The following BLTP3B variants were observed in gnomAD, a reference collection of about 807,000 sequenced individuals.
BLTP3B encodes the protein UHRF1 (ICBP90) binding protein 1-like.
At chr12:100,055,365 G>A in the BLTP3B span, among the ~76,000 whole-genome samples, 416 of 152,164 alleles carry the variant, frequency 2.7e-3, 1 homozygote, top group African/African-American at 9.6e-3. Context: ...AACTGGTATA[G>A]TAAATATTAG....
chr12:100,050,780 C>A, the BLTP3B span, among the ~76,000 whole-genome samples: 347 of 151,826 alleles, frequency 2.3e-3, 3 homozygotes, highest in African/African-American at 8.0e-3. Context: ...TCTCTGCACT[C>A]CAGCCTGGGC....
At chr12:100,114,416 T>C in the BLTP3B span, among the ~76,000 whole-genome samples, 1 of 152,196 alleles carries the variant, frequency 6.6e-6, no homozygotes, top group Non-Finnish European at 1.5e-5. Context: ...AAGATTATTC[T>C]CCACCATTTT....
chr12:100,123,459 C>T, the BLTP3B span, among the ~76,000 whole-genome samples: 56 of 152,154 alleles, frequency 3.7e-4, no homozygotes, highest in Non-Finnish European at 6.8e-4. Flanking sequence ...GAGTTTTCTC[C>T]CCCACACACC....
At chr12:100,098,454 A>C in the BLTP3B span, 1 of 1,614,134 alleles carries the variant, frequency 6.2e-7, no homozygotes, top group Non-Finnish European at 8.5e-7. Context: ...CAAATGATGC[A>C]TTGAAGGCTT....
the BLTP3B span, among the ~76,000 whole-genome samples, chr12:100,075,563 G>A: frequency 6.6e-6 from 1 of 152,122 alleles, no homozygotes; most frequent in African/African-American, 2.4e-5. Flanking sequence ...CACAATGGGA[G>A]AAAATACTCA....
At chr12:100,140,797 A>ATGGG in the BLTP3B span, among the ~76,000 whole-genome samples, 29 of 145,732 alleles carry the variant, frequency 2.0e-4, no homozygotes, top group Non-Finnish European at 3.9e-4. Context: ...TTTTCAATAT[A>ATGGG]TGGGTGTTTT....
chr12:100,119,843 C>T, the BLTP3B span, among the ~76,000 whole-genome samples: 6 of 152,032 alleles, frequency 3.9e-5, no homozygotes, highest in Non-Finnish European at 8.8e-5. Flanking sequence ...CTTAAAAACT[C>T]CTGAAGAAAA....
chr12:100,068,397 A>C, the BLTP3B span, among the ~76,000 whole-genome samples: 2 of 152,238 alleles, frequency 1.3e-5, no homozygotes, highest in African/African-American at 4.8e-5. Flanking sequence ...TAAAAATTCT[A>C]GAAGATAACA....
the BLTP3B span, among the ~76,000 whole-genome samples, chr12:100,054,193 T>C: frequency 1.3e-5 from 2 of 152,298 alleles, no homozygotes; most frequent in South Asian, 4.1e-4. Flanking sequence ...TGGTACATTC[T>C]TATGACAATT....
At chr12:100,070,714 G>T in the BLTP3B span, among the ~76,000 whole-genome samples, 1 of 152,062 alleles carries the variant, frequency 6.6e-6, no homozygotes, top group East Asian at 1.9e-4. Context: ...TATTAATAGG[G>T]TGGGTGCGGT....
At chr12:100,139,240 C>A in the BLTP3B span, among the ~76,000 whole-genome samples, 1 of 152,208 alleles carries the variant, frequency 6.6e-6, no homozygotes, top group Non-Finnish European at 1.5e-5. Flanking sequence ...TTACAGTTCT[C>A]AAATAGTTTA....
the BLTP3B span, among the ~76,000 whole-genome samples, chr12:100,087,304 G>A: frequency 6.6e-6 from 1 of 151,900 alleles, no homozygotes; most frequent in Non-Finnish European, 1.5e-5. Context: ...AAAACAAAAT[G>A]GGCAAATCAA....
At chr12:100,074,649 T>A in the BLTP3B span, among the ~76,000 whole-genome samples, 6 of 150,556 alleles carry the variant, frequency 4.0e-5, no homozygotes, top group South Asian at 1.3e-3. Context: ...CTCAATGTCA[T>A]TCCTATCAAA....
At chr12:100,094,469 G>T in the BLTP3B span, among the ~76,000 whole-genome samples, 2 of 152,144 alleles carry the variant, frequency 1.3e-5, no homozygotes, top group Non-Finnish European at 2.9e-5. Flanking sequence ...TCAGGCCAGG[G>T]TCAGATGATA....
At chr12:100,130,464 C>A in the BLTP3B span, among the ~76,000 whole-genome samples, 1 of 152,150 alleles carries the variant, frequency 6.6e-6, no homozygotes. Context: ...CAGAACCTTC[C>A]TTAAGTACTG....
chr12:100,059,213 A>G, the BLTP3B span: 4,481 of 1,614,052 alleles, frequency 2.8e-3, 115 homozygotes, highest in African/African-American at 0.053. Flanking sequence ...CCGTGGCAGC[A>G]GAAGTTTTAA....
At chr12:100,080,162 G>A in the BLTP3B span, among the ~76,000 whole-genome samples, 2 of 152,208 alleles carry the variant, frequency 1.3e-5, no homozygotes, top group East Asian at 3.9e-4. Context: ...GTACCACCTA[G>A]TGGAGCTGTG....
the BLTP3B span, among the ~76,000 whole-genome samples, chr12:100,133,245 A>AAAAT: frequency 3.9e-5 from 6 of 152,130 alleles, no homozygotes; most frequent in South Asian, 2.1e-4. Context: ...GTGTCTCAAA[A>AAAAT]AAATAAATAA....
chr12:100,097,079 C>CA, the BLTP3B span, among the ~76,000 whole-genome samples: 4 of 150,780 alleles, frequency 2.7e-5, no homozygotes, highest in African/African-American at 4.9e-5. Flanking sequence ...GATCTCATCT[C>CA]AAAAAAAATA....
Sources: allele counts gnomAD v4.1 joint callset (sites outside exome capture counted in the v4.1 genomes callset), GRCh38; gene constraint gnomAD v4.1.1; transcripts MANE v1.5; gene names NCBI Gene and HGNC (gene_info 2026-07-23, HGNC 2026-07-21).